Variants in ESR2 observed in about 807,000 individuals in gnomAD.
ESR2 encodes the protein estrogen receptor 2, also known as estrogen receptor beta.
Under a neutral mutation model 49.6 loss-of-function variants are expected in ESR2, and 36 were observed. The ratio of observed to expected loss-of-function variants is 0.73; its 90% CI spans 0.56 to 0.96. ESR2 has a LOEUF of 0.96. ESR2 is among the 40% of genes least tolerant of loss of function. The probability of loss-of-function intolerance (pLI) is 0.00; values close to 1 mark genes in which losing one functional copy is unlikely to be tolerated. For synonymous variants in ESR2, 320 were observed against 266.1 expected, an observed-to-expected ratio of 1.20 and a Z score of -1.97; for missense variants, 714 against 693.0, an observed-to-expected ratio of 1.03 and a Z score of -0.34.
At chr14:64,238,246 C>T (rs150621947) in intron 7 of ESR2, among the ~76,000 whole-genome samples, 3 of 152,230 alleles carry the variant, frequency 2.0e-5, no homozygotes, top group Non-Finnish European at 4.4e-5. Flanking sequence ...GCTGTAGGGG[C>T]AGCACAGCTC....
chr14:64,229,012 A>T lies in ESR2; in HGVS notation c.*4125T>A, dbSNP rs1433391040. Reference sequence around the variant, plus strand: ...AGTGCCTAAAAGATGTGAATTTTACATGAGTACACTTCCAAGGAACATATT... The same window carrying T: ...AGTGCCTAAAAGATGTGAATTTTACTTGAGTACACTTCCAAGGAACATATT... On this transcript the variant is annotated 3_prime_UTR_variant, in exon 9 of 9. Coordinates refer to ENST00000341099, the MANE Select transcript of ESR2 (RefSeq NM_001437.3). Among the ~76,000 whole-genome samples the T allele has an allele frequency of 4.6e-5, 7 of 152,206 alleles. No homozygotes were observed. Among genetic ancestry groups the T allele is most frequent in the Non-Finnish European group, 1.0e-4 (7 of 68,038 alleles).
In ESR2 at chr14:64,325,175, C is replaced by G. The variant is rs2077373264; in HGVS notation, c.-91+12723G>C. Among the ~76,000 whole-genome samples, 4 of 152,328 alleles carry G rather than the reference C, an allele frequency of 2.6e-5. No individual in the cohort carries two copies. The South Asian group carries it at 8.3e-4, about 32-fold the overall frequency. ...TTGCCTAGCTCTGACATCATTTTAA[C>G]CACATGCAAAATCCTCAATTATTTA... On this transcript the variant is annotated intron_variant, in intron 1 of 8. Coordinates refer to the ESR2 transcript ENST00000358599.
rs1191564985 is a variant in ESR2, at chr14:64,260,450, G to A, written c.951C>T (p.Pro317=). Residue 317 remains proline, a splice_region_variant and synonymous_variant, in exon 5 of 9, where the codon CCC becomes CCT. Transcript: ENST00000341099. ...AAACTGATAGCCAGAAAGCCCTACC[G>A]GGAATCTTCTTGGCCCAGCTGATCA... ...VHMISWAKKI[P]GFVELSLFDQ... The A allele has an allele frequency of 2.6e-6, 4 of 1,522,742 alleles. No homozygotes were observed. Among genetic ancestry groups the A allele is most frequent in the South Asian group, 1.3e-5 (1 of 75,472 alleles). The allele number at this position is 1,522,742 out of a possible 1,614,324, so 94.3% of individuals were successfully genotyped here. A position where few individuals can be genotyped will look rare whatever the true frequency, so the allele number is the denominator to read the frequency against.
chr14:64,263,342 T>G (rs2076258661), intron 4 of ESR2, among the ~76,000 whole-genome samples: 1 of 152,076 alleles, frequency 6.6e-6, no homozygotes, highest in Non-Finnish European at 1.5e-5. Context: ...AAAAGATAAA[T>G]AATTCTAAAC....
intron 7 of ESR2, among the ~76,000 whole-genome samples, chr14:64,240,367 C>T (rs942936647): frequency 1.3e-5 from 2 of 152,216 alleles, no homozygotes; most frequent in African/African-American, 4.8e-5. Flanking sequence ...AGTTCGCAGC[C>T]TTTTGACTTA....
downstream of ESR2, chr14:64,228,159 G>T: frequency 1.1e-6 from 1 of 883,006 alleles, no homozygotes; most frequent in Non-Finnish European, 1.6e-6. Context: ...TTGTACTCAA[G>T]CATTTGTGTT....
intron 7 of ESR2, among the ~76,000 whole-genome samples, chr14:64,241,145 C>CAAA (rs56347632): frequency 4.9e-4 from 47 of 95,392 alleles, no homozygotes; most frequent in Non-Finnish European, 6.2e-4. Flanking sequence ...GACTCCGTCT[C>CAAA]AAAAAAAAAA....
chr14:64,283,716 C>T (rs2076729176), intron 1 of ESR2, among the ~76,000 whole-genome samples: 1 of 136,178 alleles, frequency 7.3e-6, no homozygotes, highest in Non-Finnish European at 1.5e-5. Context: ...CCACCGCGCT[C>T]CAGCCTGGGT....
At chr14:64,236,931 G>A (rs2075616146) in intron 7 of ESR2, among the ~76,000 whole-genome samples, 1 of 151,268 alleles carries the variant, frequency 6.6e-6, no homozygotes, top group African/African-American at 2.4e-5. Flanking sequence ...AGCAAGACTG[G>A]ACATGAGTGC....
At chr14:64,307,508 G>T (rs778462842) in intron 1 of ESR2, among the ~76,000 whole-genome samples, 2 of 149,778 alleles carry the variant, frequency 1.3e-5, no homozygotes, top group South Asian at 4.2e-4. Flanking sequence ...CCACCACACC[G>T]GTCTTTTAAC....
Position 64,257,336 on chromosome 14 carries a change from T to C in ESR2, c.981A>G (p.Gln327=). The C allele has an allele frequency of 1.2e-6, 2 of 1,613,326 alleles. No individual in the cohort carries two copies. The highest frequency in any genetic ancestry group is 1.7e-6 in the Non-Finnish European group (2 of 1,180,014). Residue 327 remains glutamine, a synonymous_variant, in exon 6 of 9, where the codon CAA becomes CAG. Transcript: ENST00000341099. ...TCCAACAGCTCTCCAAGAGCCGCAC[T>C]TGGTCGAACAGGCTGAGCTCCACAA... The part of the protein sequence containing the change: ...PGFVELSLFD[Q]VRLLESCWME...
rs918353254 is a variant in ESR2, at chr14:64,231,215, G to C, written c.*1922C>G. 1.2e-4 allele frequency: 18 copies of C among 152,048 alleles called. No individual in the cohort carries two copies. Among genetic ancestry groups the C allele is most frequent in the African/African-American group, 4.3e-4 (18 of 41,396 alleles). The allele number at this position is 152,048 out of a possible 1,614,324, so 9.4% of individuals were successfully genotyped here. On this transcript the variant is annotated 3_prime_UTR_variant, in exon 9 of 9. Coordinates refer to ENST00000341099, the MANE Select transcript of ESR2 (RefSeq NM_001437.3). ...TGGTTTTTTATGTTTTTGTTACCTG[G>C]TAATCTCTTTTAAAAATACATTTAA... is the stretch of plus-strand genomic sequence containing the variant.
intron 1 of ESR2, among the ~76,000 whole-genome samples, chr14:64,302,226 G>A (rs1016693144): frequency 9.5e-5 from 14 of 147,676 alleles, no homozygotes; most frequent in South Asian, 2.1e-4. Flanking sequence ...TCGCTCTGTC[G>A]CCCAGGCTGG....
intron 4 of ESR2, among the ~76,000 whole-genome samples, chr14:64,264,298 G>A (rs1351790463): frequency 6.6e-6 from 1 of 152,088 alleles, no homozygotes; most frequent in African/African-American, 2.4e-5. Flanking sequence ...TCTTAACATT[G>A]ACTAGTTATA....
At chr14:64,273,209 T>C (rs1314457002) in intron 3 of ESR2, among the ~76,000 whole-genome samples, 1 of 152,206 alleles carries the variant, frequency 6.6e-6, no homozygotes, top group Non-Finnish European at 1.5e-5. Flanking sequence ...TTAGATCTAA[T>C]AGTTTTTTGG....
At chr14:64,294,925 A>C (rs952182053), upstream of ESR2, among the ~76,000 whole-genome samples, 1 of 152,166 alleles carries the variant, frequency 6.6e-6, no homozygotes. Flanking sequence ...ACTTCCTCGA[A>C]CTCACTTGAA....
chr14:64,249,173 C>G (rs539133966), intron 7 of ESR2, among the ~76,000 whole-genome samples: 8 of 152,016 alleles, frequency 5.3e-5, no homozygotes, highest in Non-Finnish European at 1.0e-4. Context: ...CTTTACTGAA[C>G]GAATGAATCT....
intron 4 of ESR2, among the ~76,000 whole-genome samples, chr14:64,266,975 G>A (rs184229199): frequency 1.2e-3 from 176 of 152,274 alleles, no homozygotes; most frequent in African/African-American, 3.9e-3. Context: ...CCACCTCCCA[G>A]GTTCAAACTA....
In ESR2 at chr14:64,231,637, A is replaced by G. The variant is rs973808817; in HGVS notation, c.*1500T>C. The G allele has an allele frequency of 2.6e-5, 4 of 152,250 alleles. No individual in the cohort carries two copies. Among genetic ancestry groups the G allele is most frequent in the African/African-American group, 9.6e-5 (4 of 41,464 alleles). The allele number at this position is 152,250 out of a possible 1,614,324, so 9.4% of individuals were successfully genotyped here. A position where few individuals can be genotyped will look rare whatever the true frequency, so the allele number is the denominator to read the frequency against. On this transcript the variant is annotated 3_prime_UTR_variant, in exon 9 of 9. Transcript: ENST00000341099. ...AACACTGAATGCAGTCTTCCTAATG[A>G]CTTAGTAAATACAGGATGTGCTACC... is the stretch of plus-strand genomic sequence containing the variant.
Sources: gnomAD v4.1 joint callset for allele counts (sites outside exome capture counted in the v4.1 genomes callset) on GRCh38, gnomAD v4.1.1 for gene constraint, MANE v1.5 for transcripts, NCBI Gene and HGNC (gene_info 2026-07-23, HGNC 2026-07-21) for gene names.